The following ATP2B4 variants were observed in gnomAD, a reference collection of about 807,000 sequenced individuals.
The protein encoded by ATP2B4 is plasma membrane calcium-transporting ATPase 4.
Under a neutral mutation model 110.3 loss-of-function variants are expected in ATP2B4, and 39 were observed. The ratio of observed to expected loss-of-function variants is 0.35; its 90% CI spans 0.27 to 0.46. The LOEUF is 0.46. Among genes scored for constraint, ATP2B4 ranks in the 20% least tolerant of loss-of-function variants. The pLI is 1.00. For synonymous variants in ATP2B4, 538 were observed against 571.7 expected (o/e 0.94, Z 0.84); for missense variants, 1,135 against 1,530.9 (o/e 0.74, Z 4.32).
At chr1:203,702,229 T>G in intron 7 of ATP2B4, 150 bp downstream of exon 7, 1 of 1,021,256 alleles carries the variant, frequency 9.8e-7, no homozygotes, top group Non-Finnish European at 1.4e-6. Context: ...GGTGCAGAGA[T>G]TTTTGGGGTG....
At chr1:203,723,785 A>C (rs1325639018) in intron 18 of ATP2B4, 96 bp from the exon 19 acceptor site, 7 of 919,078 alleles carry the variant, frequency 7.6e-6, no homozygotes, top group Non-Finnish European at 1.2e-5. Context: ...AAGGATCCTG[A>C]GGAGTGGGAT....
intron 1 of ATP2B4, among the ~76,000 whole-genome samples, chr1:203,647,904 G>A (rs1412357000): frequency 6.6e-6 from 1 of 152,172 alleles, no homozygotes; most frequent in Non-Finnish European, 1.5e-5. Flanking sequence ...AGGGGAGAAG[G>A]CTTGGAACTC....
intron 1 of ATP2B4, among the ~76,000 whole-genome samples, chr1:203,650,357 G>C (rs1191223338): frequency 1.3e-5 from 2 of 152,264 alleles, no homozygotes; most frequent in African/African-American, 4.8e-5. Flanking sequence ...GTTGTGGTGT[G>C]GTGTGATGTG....
At chr1:203,725,246 C>G (rs1262445346) in intron 19 of ATP2B4, among the ~76,000 whole-genome samples, 5 of 151,372 alleles carry the variant, frequency 3.3e-5, no homozygotes, top group African/African-American at 1.2e-4. Context: ...CCTCCAGGTT[C>G]AAGCAATTCT....
chr1:203,724,283 C>T (rs573794175), intron 19 of ATP2B4, among the ~76,000 whole-genome samples: 17 of 152,048 alleles, frequency 1.1e-4, no homozygotes, highest in Admixed American at 4.6e-4. Context: ...TTTGGGAGGC[C>T]GAGGCAGGCA....
At chr1:203,712,627 GA>G (rs1029308813) in intron 13 of ATP2B4, among the ~76,000 whole-genome samples, 13 of 150,780 alleles carry the variant, frequency 8.6e-5, no homozygotes, top group African/African-American at 3.2e-4. Context: ...AGTTGCTTGT[GA>G]ATGAAGCTTG....
chr1:203,704,684 T>C (rs191646197), intron 8 of ATP2B4, among the ~76,000 whole-genome samples: 73 of 152,126 alleles, frequency 4.8e-4, no homozygotes, highest in African/African-American at 1.7e-3. Flanking sequence ...TTTCACCATG[T>C]TGGCCAGGCT....
chr1:203,700,558 G>A (rs11240759), intron 5 of ATP2B4, among the ~76,000 whole-genome samples: 38,821 of 152,064 alleles, frequency 0.26, 5,868 homozygotes, highest in East Asian at 0.57. Context: ...TGGTTGCAGG[G>A]GTGGCGGGGG....
chr1:203,654,048 A>G (rs1387334245), intron 1 of ATP2B4, among the ~76,000 whole-genome samples: 1 of 138,958 alleles, frequency 7.2e-6, no homozygotes, highest in Non-Finnish European at 1.5e-5. Flanking sequence ...CAATTGTGCG[A>G]TCTCAGCTCA....
intron 1 of ATP2B4, among the ~76,000 whole-genome samples, chr1:203,649,838 G>T (rs1358583300): frequency 6.6e-6 from 1 of 152,016 alleles, no homozygotes; most frequent in Non-Finnish European, 1.5e-5. Context: ...CAGAAAAATT[G>T]AGGTCACGGA....
intron 3 of ATP2B4, among the ~76,000 whole-genome samples, chr1:203,699,044 G>A (rs550486312): frequency 6.6e-6 from 1 of 152,198 alleles, no homozygotes; most frequent in Admixed American, 6.5e-5. Context: ...CAGAGTGCTG[G>A]GATTGCAGGT....
At chr1:203,677,836 T>A (rs1357005035) in intron 1 of ATP2B4, among the ~76,000 whole-genome samples, 1 of 152,204 alleles carries the variant, frequency 6.6e-6, no homozygotes, top group East Asian at 1.9e-4. Context: ...TCCAGAGGTC[T>A]TCCCTTCCTC....
chr1:203,716,036 C>T (rs1452524214), intron 15 of ATP2B4, among the ~76,000 whole-genome samples: 2 of 144,576 alleles, frequency 1.4e-5, no homozygotes, highest in Non-Finnish European at 3.1e-5. Context: ...TTGACAGGCT[C>T]TCTCAGTGAT....
chr1:203,688,341 G>A (rs535911297), intron 2 of ATP2B4, among the ~76,000 whole-genome samples: 8 of 148,988 alleles, frequency 5.4e-5, no homozygotes, highest in Admixed American at 2.7e-4. Flanking sequence ...CTCTGTCACC[G>A]AGGCTGGAGT....
chr1:203,658,174 G>A (rs146031717), intron 1 of ATP2B4, among the ~76,000 whole-genome samples: 21 of 152,152 alleles, frequency 1.4e-4, no homozygotes, highest in African/African-American at 4.1e-4. Flanking sequence ...GTCTGGAATC[G>A]TACCTGCAAT....
At chr1:203,704,769 C>T (rs1571743183) in intron 8 of ATP2B4, among the ~76,000 whole-genome samples, 2 of 152,050 alleles carry the variant, frequency 1.3e-5, no homozygotes, top group Admixed American at 6.5e-5. Flanking sequence ...CATAAGCCAC[C>T]GCACCCTGCC....
At chr1:203,692,886 TGGGGTGGGG>T (rs1665427057) in intron 2 of ATP2B4, among the ~76,000 whole-genome samples, 1 of 152,092 alleles carries the variant, frequency 6.6e-6, no homozygotes, top group Non-Finnish European at 1.5e-5. Context: ...CTCCCCAGCA[TGGGGTGGGG>T]GTGATGACTT....
intron 1 of ATP2B4, among the ~76,000 whole-genome samples, chr1:203,663,920 T>G (rs766062696): frequency 1.3e-5 from 2 of 152,186 alleles, no homozygotes; most frequent in Non-Finnish European, 2.9e-5. Context: ...CTCCAATTTC[T>G]TTTAGGACCT....
chr1:203,724,068 G>A lies in ATP2B4; in HGVS notation c.3132+80G>A, dbSNP rs536206079. 67 of 1,202,346 alleles carry A rather than the reference G, an allele frequency of 5.6e-5. 1 individual carries two copies. In the South Asian group the frequency reaches 7.0e-4, roughly 13 times the overall value. 74.5% of individuals were successfully genotyped at this position (1,202,346 alleles called of 1,614,324 possible). A position where few individuals can be genotyped will look rare whatever the true frequency, so the allele number is the denominator to read the frequency against. ...CTCTACATGAGATGGAACAAGCAAC[G>A]GTGGAGACCCCCCAGCTCCTCATCT... On this transcript the variant is annotated intron_variant, in intron 19 of 20. Transcript: ENST00000357681.
Sources: gnomAD v4.1 joint callset for allele counts (sites outside exome capture counted in the v4.1 genomes callset) on GRCh38, gnomAD v4.1.1 for gene constraint, MANE v1.5 for transcripts, NCBI Gene and HGNC (gene_info 2026-07-23, HGNC 2026-07-21) for gene names.